The following PLEKHA7 variants were observed in gnomAD, a reference collection of about 807,000 sequenced individuals.
PLEKHA7 encodes the protein pleckstrin homology domain-containing family A member 7.
In PLEKHA7, 104 loss-of-function variants were observed where a neutral mutation model predicts 170.0. That is an observed-to-expected ratio of 0.61 (90% confidence interval 0.52 to 0.72). PLEKHA7 has a LOEUF of 0.72. Among genes scored for constraint, PLEKHA7 ranks in the 30% least tolerant of loss-of-function variants. The pLI, the probability that PLEKHA7 is intolerant of heterozygous loss-of-function variation, is 0.00. For missense variants in PLEKHA7, 1,615 were observed against 1,671.7 expected (o/e 0.97, Z 0.59); for synonymous variants, 648 against 660.8 (o/e 0.98, Z 0.30).
chr11:16,978,505 G>T (rs1565174416), intron 3 of PLEKHA7, among the ~76,000 whole-genome samples: 1 of 152,236 alleles, frequency 6.6e-6, no homozygotes. Flanking sequence ...TAGCAGGCTA[G>T]ATGCTGCACG....
chr11:16,889,595 C>T (rs982728195), intron 3 of PLEKHA7, among the ~76,000 whole-genome samples: 1 of 150,910 alleles, frequency 6.6e-6, no homozygotes, highest in African/African-American at 2.4e-5. Flanking sequence ...GGAGTCAACA[C>T]CACCCCCCAC....
At chr11:16,915,694 A>C (rs2136196396) in intron 3 of PLEKHA7, among the ~76,000 whole-genome samples, 1 of 151,804 alleles carries the variant, frequency 6.6e-6, no homozygotes, top group Admixed American at 6.6e-5. Flanking sequence ...ACATGAACTC[A>C]TCATTTTTTA....
intron 10 of PLEKHA7, among the ~76,000 whole-genome samples, chr11:16,818,975 T>C (rs1470353850): frequency 2.0e-5 from 3 of 150,596 alleles, no homozygotes; most frequent in Non-Finnish European, 4.4e-5. Flanking sequence ...GGCTAATTTT[T>C]TGTATTTTTA....
At chr11:16,988,651 T>C (rs540810872) in intron 3 of PLEKHA7, among the ~76,000 whole-genome samples, 2 of 128,538 alleles carry the variant, frequency 1.6e-5, no homozygotes, top group East Asian at 5.6e-4. Context: ...TTTCACCATG[T>C]TGGCCAGGCT....
At chr11:16,966,290 ATG>A (rs112176840) in intron 3 of PLEKHA7, among the ~76,000 whole-genome samples, 4,470 of 149,050 alleles carry the variant, frequency 0.03, 83 homozygotes, top group African/African-American at 0.044. Flanking sequence ...TTGTGCATGT[ATG>A]TGTGTGTGTG....
intron 3 of PLEKHA7, among the ~76,000 whole-genome samples, chr11:17,012,723 G>T (rs1865390920): frequency 6.6e-6 from 1 of 152,154 alleles, no homozygotes; most frequent in Non-Finnish European, 1.5e-5. Flanking sequence ...TGGCACACAG[G>T]AAAATTGTAA....
chr11:16,791,178 G>A lies in PLEKHA7; in HGVS notation c.2767C>T (p.Pro923Ser), dbSNP rs1847826409. 12 of 1,599,688 alleles carry A rather than the reference G, an allele frequency of 7.5e-6. No homozygotes were observed. The highest frequency in any genetic ancestry group is 1.1e-5 in the South Asian group (1 of 90,006). ...PKVEDEAPPRPPLPELYSPED... is the reference protein window; with the variant it reads ...PKVEDEAPPRSPLPELYSPED... Reference sequence around the variant, plus strand: ...GGGCTGTAGAGTTCGGGGAGTGGGGGCCTGGGAGGTGCTTCATCTTCCTGC... The same window carrying A: ...GGGCTGTAGAGTTCGGGGAGTGGGGACCTGGGAGGTGCTTCATCTTCCTGC... The change falls in exon 20 of 27, where the codon CCC (proline) becomes TCC (serine). Residue 923 changes from proline (P) to serine (S), a missense_variant. Coordinates refer to ENST00000531066, the MANE Select transcript of PLEKHA7 (RefSeq NM_001329630.2). This position sits in a 1 kb window ranked among gnomAD's most constrained non-coding sequence, Gnocchi z 4.5.
intron 3 of PLEKHA7, among the ~76,000 whole-genome samples, chr11:16,994,219 A>G (rs1864209362): frequency 1.3e-5 from 2 of 152,172 alleles, no homozygotes; most frequent in Admixed American, 1.3e-4. Flanking sequence ...AGCTGCGAGG[A>G]GGGCCAAGGT....
intron 3 of PLEKHA7, among the ~76,000 whole-genome samples, chr11:16,911,761 C>T (rs967789492): frequency 2.6e-5 from 4 of 152,282 alleles, no homozygotes; most frequent in African/African-American, 7.2e-5. Context: ...TCTTTCCCCA[C>T]GCTCTCCCAC....
chr11:16,850,898 C>T (rs1275444236), intron 8 of PLEKHA7, among the ~76,000 whole-genome samples: 1 of 152,026 alleles, frequency 6.6e-6, no homozygotes, highest in Non-Finnish European at 1.5e-5. Flanking sequence ...TGGCTGAGTA[C>T]GGTGATAAGA....
chr11:16,999,529 G>C (rs1246470858), intron 3 of PLEKHA7, among the ~76,000 whole-genome samples: 1 of 152,004 alleles, frequency 6.6e-6, no homozygotes, highest in African/African-American at 2.4e-5. Flanking sequence ...GAAAACCAGA[G>C]GCTCCCCAGG....
intron 26 of PLEKHA7, among the ~76,000 whole-genome samples, chr11:16,779,855 G>A (rs1484973600): frequency 4.6e-5 from 7 of 152,174 alleles, no homozygotes; most frequent in Non-Finnish European, 1.5e-5. Context: ...CATGAGTGGT[G>A]ATGGGGAACA....
chr11:16,982,761 C>T (rs1863507472), intron 3 of PLEKHA7, among the ~76,000 whole-genome samples: 1 of 145,020 alleles, frequency 6.9e-6, no homozygotes, highest in Non-Finnish European at 1.5e-5. Context: ...TCTCAGACTT[C>T]ACCTCCCTCA....
chr11:16,839,061 T>C (rs1221472049), intron 9 of PLEKHA7, among the ~76,000 whole-genome samples: 1 of 152,164 alleles, frequency 6.6e-6, no homozygotes, highest in Non-Finnish European at 1.5e-5. Context: ...CCCAGCAATC[T>C]GAAAGACTCA....
Position 16,786,212 on chromosome 11 carries a change from G to C in PLEKHA7, c.3516+17C>G. ...GCCATGTCTCCTGGAGGACATGAAG[G>C]AAGTGCCTGCCCTCACCTCTCTGCT... On this transcript the variant is annotated intron_variant, in intron 24 of 26. Coordinates refer to ENST00000531066, the MANE Select transcript of PLEKHA7 (RefSeq NM_001329630.2). The C allele has an allele frequency of 1.3e-6, 2 of 1,535,424 alleles. No individual in the cohort carries two copies. The highest frequency in any genetic ancestry group is 1.7e-6 in the Non-Finnish European group (2 of 1,146,376).
At chr11:16,838,239 G>A (rs922820770) in intron 9 of PLEKHA7, among the ~76,000 whole-genome samples, 1 of 152,174 alleles carries the variant, frequency 6.6e-6, no homozygotes, top group African/African-American at 2.4e-5. Context: ...TGGGCATGGT[G>A]GCTGGTGACT....
chr11:16,986,274 C>G (rs893130494), intron 3 of PLEKHA7, among the ~76,000 whole-genome samples: 3 of 152,192 alleles, frequency 2.0e-5, no homozygotes, highest in African/African-American at 7.2e-5. Context: ...TCGGAACCAT[C>G]TGCACCGCTG....
At chr11:17,003,267 A>T (rs112859763) in intron 3 of PLEKHA7, among the ~76,000 whole-genome samples, 2 of 152,186 alleles carry the variant, frequency 1.3e-5, no homozygotes, top group South Asian at 2.1e-4. Flanking sequence ...CTGGGATTAC[A>T]CATGTGAGCC....
intron 3 of PLEKHA7, among the ~76,000 whole-genome samples, chr11:16,940,335 T>C (rs923580962): frequency 6.9e-6 from 1 of 144,750 alleles, no homozygotes; most frequent in African/African-American, 2.5e-5. Context: ...CACCCAAGGC[T>C]AGAGTGCAAT....
Sources: allele counts gnomAD v4.1 joint callset (sites outside exome capture counted in the v4.1 genomes callset), GRCh38; gene constraint gnomAD v4.1.1; non-coding constraint Gnocchi (gnomAD v3.1); transcripts MANE v1.5; gene names NCBI Gene and HGNC (gene_info 2026-07-23, HGNC 2026-07-21).